The following EFCAB7 variants were observed in gnomAD, a reference collection of about 807,000 sequenced individuals.
EFCAB7 encodes EF-hand calcium binding domain 7, also known as EF-hand calcium-binding domain-containing protein 7.
EFCAB7 carries 66 observed loss-of-function variants against 77.1 expected under a neutral mutation model. That is an observed-to-expected ratio of 0.86 (90% CI 0.70 to 1.05). EFCAB7 has a LOEUF of 1.05. Ranked by LOEUF, EFCAB7 falls within the 50% of genes least tolerant of loss-of-function variation. The pLI is 0.00. For missense variants in EFCAB7, 638 were observed against 730.5 expected, an observed-to-expected ratio of 0.87 and a Z score of 1.46; for synonymous variants, 225 against 243.3, an observed-to-expected ratio of 0.92 and a Z score of 0.70.
At chr1:63,539,182 T>C (rs1030748846) in intron 6 of EFCAB7, among the ~76,000 whole-genome samples, 3 of 152,180 alleles carry the variant, frequency 2.0e-5, no homozygotes, top group South Asian at 2.1e-4. Context: ...ATTGAAAAAT[T>C]CTTCCGAAAT....
chr1:63,576,036 T>G (rs775001983), downstream of EFCAB7, among the ~76,000 whole-genome samples: 16 of 152,346 alleles, frequency 1.1e-4, no homozygotes, highest in Non-Finnish European at 2.2e-4. Context: ...CTATCTTTGA[T>G]GCTCAGCCTA....
the EFCAB7 span, among the ~76,000 whole-genome samples, chr1:63,583,173 G>T: frequency 1.3e-5 from 2 of 152,064 alleles, no homozygotes; most frequent in African/African-American, 4.8e-5. Context: ...AGTAAGTAAG[G>T]GAAGCAAGCA....
At chr1:63,525,449 A>G (rs1014417442) in intron 1 of EFCAB7, 123 bp from the exon 2 acceptor site, 4 of 704,532 alleles carry the variant, frequency 5.7e-6, no homozygotes, top group Non-Finnish European at 8.7e-6. Flanking sequence ...CTTTTCATAT[A>G]TGTTATAAAT....
chr1:63,524,001 C>T (rs1302191676), intron 1 of EFCAB7, among the ~76,000 whole-genome samples: 1 of 151,946 alleles, frequency 6.6e-6, no homozygotes, highest in African/African-American at 2.4e-5. Context: ...AGTCTCGGGC[C>T]GGAGTTTTAA....
intron 11 of EFCAB7, among the ~76,000 whole-genome samples, chr1:63,562,382 G>A (rs949860796): frequency 7.2e-6 from 1 of 138,050 alleles, no homozygotes; most frequent in African/African-American, 2.7e-5. Context: ...AGGTATAGAA[G>A]TTGAACAGGG....
At chr1:63,527,527 G>GC (rs11379399) in intron 2 of EFCAB7, among the ~76,000 whole-genome samples, 152,235 of 152,236 alleles carry the variant, frequency 1, 76,117 homozygotes, top group Middle Eastern at 1. Context: ...AATAATACAG[G>GC]ATTATAGATG....
chr1:63,528,551 T>C (rs1256057577), intron 2 of EFCAB7, among the ~76,000 whole-genome samples: 1 of 152,114 alleles, frequency 6.6e-6, no homozygotes, highest in Non-Finnish European at 1.5e-5. Context: ...TAAGTGTACA[T>C]TTTAAAATAA....
chr1:63,549,001 G>A (rs1646933011), intron 7 of EFCAB7: 7 of 176,816 alleles, frequency 4.0e-5, no homozygotes, highest in African/African-American at 4.8e-5. Flanking sequence ...TCAATCTAGC[G>A]GAAGAGACAG....
rs369428433 is a variant in EFCAB7 at position 63,572,539 on chromosome 1, A to T, written c.*23A>T. On this transcript the variant is annotated 3_prime_UTR_variant, in exon 14 of 14. Coordinates refer to ENST00000371088, the MANE Select transcript of EFCAB7 (RefSeq NM_032437.4). ...TAAATAATTATACTTAGAACTTACC[A>T]AACTAAGAATTATTTCAGATTTAGT... is the stretch of plus-strand genomic sequence containing the variant. The T allele has an allele frequency of 4.2e-5, 58 of 1,394,466 alleles. No individual in the cohort carries two copies. The East Asian group carries it at 8.0e-4, about 19-fold the overall frequency. The allele number at this position is 1,394,466 out of a possible 1,614,324, so 86.4% of individuals were successfully genotyped here. A position where few individuals can be genotyped will look rare whatever the true frequency, so the allele number is the denominator to read the frequency against.
intron 13 of EFCAB7, 70 bp downstream of exon 13, chr1:63,571,198 G>A: frequency 1.0e-6 from 1 of 972,046 alleles, no homozygotes; most frequent in South Asian, 1.5e-5. Flanking sequence ...TTAATGCTAT[G>A]AGTAAAATGT....
At chr1:63,537,392 C>T (rs1395976134) in intron 6 of EFCAB7, among the ~76,000 whole-genome samples, 1 of 152,192 alleles carries the variant, frequency 6.6e-6, no homozygotes, top group African/African-American at 2.4e-5. Context: ...TATGCACACA[C>T]ATCACACACA....
chr1:63,547,112 C>T (rs1051792525), intron 7 of EFCAB7: 2 of 152,082 alleles, frequency 1.3e-5, no homozygotes, highest in African/African-American at 4.8e-5. Flanking sequence ...TTGTGGGATA[C>T]GTATAATGTT....
At chr1:63,564,720 A>C (rs1371880174) in intron 11 of EFCAB7, among the ~76,000 whole-genome samples, 2 of 74,298 alleles carry the variant, frequency 2.7e-5, no homozygotes, top group Non-Finnish European at 4.9e-5. Flanking sequence ...TTTAAAATTC[A>C]TATGGAACCA....
At position 63,531,929 on chromosome 1, in the gene EFCAB7, A is replaced by G; in HGVS notation, c.297A>G (p.Glu99=). 1 of 1,613,304 alleles carries G rather than the reference A, an allele frequency of 6.2e-7. No individual in the cohort carries two copies. The highest frequency in any genetic ancestry group is 2.2e-5 in the East Asian group (1 of 44,764). ...ATTTTTGTATAATTTTAAGGAAGGAAAAACCTACTTCAAAAGCAGAACTAC... is the reference window on the plus strand; with the variant it reads ...ATTTTTGTATAATTTTAAGGAAGGAGAAACCTACTTCAAAAGCAGAACTAC... The part of the protein sequence containing the change: ...FDDFCIILRK[E]KPTSKAELLK... Residue 99 remains glutamate (E), a synonymous_variant, in exon 3 of 14, where the codon GAA becomes GAG. Coordinates refer to ENST00000371088, the MANE Select transcript of EFCAB7 (RefSeq NM_032437.4).
chr1:63,523,724 T>C (rs1441049437), intron 1 of EFCAB7, 90 bp downstream of exon 1: 1 of 161,144 alleles, frequency 6.2e-6, no homozygotes, highest in Non-Finnish European at 1.4e-5. Flanking sequence ...TCTACTTCTC[T>C]GTCATAAACA....
chr1:63,527,320 G>A (rs779286100), intron 2 of EFCAB7, among the ~76,000 whole-genome samples: 2 of 152,118 alleles, frequency 1.3e-5, no homozygotes, highest in Non-Finnish European at 2.9e-5. Flanking sequence ...TGGTTTTAGG[G>A]TGGAATACTC....
intron 10 of EFCAB7, among the ~76,000 whole-genome samples, chr1:63,559,307 A>AAAG (rs1337986689): frequency 6.6e-6 from 1 of 150,850 alleles, no homozygotes; most frequent in Non-Finnish European, 1.5e-5. Context: ...GTCTCAAAAA[A>AAAG]AAAAAAAAAA....
chr1:63,584,353 A>G, the EFCAB7 span, among the ~76,000 whole-genome samples: 15 of 152,234 alleles, frequency 9.9e-5, no homozygotes, highest in African/African-American at 3.1e-4. Flanking sequence ...ACAGGAGTTC[A>G]AGATCAGCCT....
intron 2 of EFCAB7, among the ~76,000 whole-genome samples, 197 bp from the exon 3 acceptor site, chr1:63,531,623 G>T (rs540403452): frequency 2.0e-5 from 3 of 152,040 alleles, no homozygotes; most frequent in Admixed American, 6.6e-5. Flanking sequence ...GAATGTTTAG[G>T]TGGTGGCATA....
Sources: gnomAD v4.1 joint callset for allele counts (sites outside exome capture counted in the v4.1 genomes callset) on GRCh38, gnomAD v4.1.1 for gene constraint, MANE v1.5 for transcripts, NCBI Gene and HGNC (gene_info 2026-07-23, HGNC 2026-07-21) for gene names.